DDIT4L: variants seen among roughly 807,000 people sequenced by gnomAD.
DDIT4L encodes the protein DNA damage-inducible transcript 4-like protein.
Under a neutral mutation model 15.9 loss-of-function variants are expected in DDIT4L, and 13 were observed. That is an observed-to-expected ratio of 0.82 (90% CI 0.53 to 1.30). DDIT4L has a LOEUF of 1.30. Among genes scored for constraint, DDIT4L ranks in the 50% most tolerant of loss-of-function variants. DDIT4L has a pLI of 0.00. For missense variants in DDIT4L, 235 were observed against 224.8 expected, an observed-to-expected ratio of 1.05 and a Z score of -0.29; for synonymous variants, 82 against 85.4, an observed-to-expected ratio of 0.96 and a Z score of 0.22.
intron 2 of DDIT4L, among the ~76,000 whole-genome samples, chr4:100,189,512 G>A (rs1300191040): frequency 6.6e-6 from 1 of 152,216 alleles, no homozygotes; most frequent in African/African-American, 2.4e-5. Flanking sequence ...GTAGTTCCCT[G>A]GAGTCAGGGG....
intron 2 of DDIT4L, among the ~76,000 whole-genome samples, chr4:100,188,757 T>C (rs1340469089): frequency 6.6e-6 from 1 of 152,254 alleles, no homozygotes; most frequent in Admixed American, 6.5e-5. Context: ...AAGTCTTTAC[T>C]GGAGTGGCCT....
rs1723431816 is a variant in DDIT4L, at chr4:100,187,143, G to A, written c.*534C>T. The A allele has an allele frequency of 6.6e-6, 1 of 152,164 alleles. No homozygotes were observed. Among genetic ancestry groups the A allele is most frequent in the Non-Finnish European group, 1.5e-5 (1 of 68,078 alleles). The allele number at this position is 152,164 out of a possible 1,614,324, so 9.4% of individuals were successfully genotyped here. On this transcript the variant is annotated 3_prime_UTR_variant, in exon 3 of 3. Coordinates refer to ENST00000273990, the MANE Select transcript of DDIT4L (RefSeq NM_145244.4). ...CTCATTTACTCTTACCTAGGGTTAA[G>A]CTTTAATTAAACTCACCTACTTAAT...
chr4:100,187,874 T>C lies in DDIT4L; in HGVS notation c.385A>G (p.Ser129Gly), dbSNP rs1723447250. Residue 129 changes from serine to glycine, a missense_variant, in exon 3 of 3, where the codon AGC becomes GGC. Transcript: ENST00000273990. ...KKLDRIVCDSSVVPTFELTLV... is the reference protein window; with the variant it reads ...KKLDRIVCDSGVVPTFELTLV... ...GTAAGCTCAAAAGTAGGTACGACGCTAGAATCACACACAATCCTATCCAGC... is the reference window on the plus strand; with the variant it reads ...GTAAGCTCAAAAGTAGGTACGACGCCAGAATCACACACAATCCTATCCAGC... 2 of 1,613,904 alleles carry C rather than the reference T, an allele frequency of 1.2e-6. No homozygotes were observed. The highest frequency in any genetic ancestry group is 1.7e-6 in the Non-Finnish European group (2 of 1,179,984).
Position 100,190,017 on chromosome 4 carries a change from C to T in DDIT4L, c.-34G>A, listed in dbSNP as rs1245103201. Reference sequence around the variant, plus strand: ...GCTCTGTTTCCTTCGCGAGGCGCAACGGCCTTTCCTGAGCGCTGGAAAAAA... The same window carrying T: ...GCTCTGTTTCCTTCGCGAGGCGCAATGGCCTTTCCTGAGCGCTGGAAAAAA... On this transcript the variant is annotated 5_prime_UTR_variant, in exon 2 of 3. Coordinates refer to ENST00000273990, the MANE Select transcript of DDIT4L (RefSeq NM_145244.4). 2 of 1,600,672 alleles carry T rather than the reference C, an allele frequency of 1.2e-6. No homozygotes were observed. The highest frequency in any genetic ancestry group is 1.7e-5 in the Admixed American group (1 of 59,964).
At chr4:100,188,562 T>C (rs929603893) in intron 2 of DDIT4L, among the ~76,000 whole-genome samples, 2 of 152,240 alleles carry the variant, frequency 1.3e-5, no homozygotes, top group African/African-American at 4.8e-5. Flanking sequence ...CTAATTTTGT[T>C]TTACAGAAAA....
rs1174908416 is a variant in DDIT4L, at chr4:100,187,727, TAAC to T, written c.529_531del (p.Val177del). The T allele has an allele frequency of 6.2e-7, 1 of 1,610,302 alleles. No homozygotes were observed. The highest frequency in any genetic ancestry group is 1.3e-5 in the African/African-American group (1 of 74,520). The stretch of plus-strand genomic sequence containing the variant: ...CCAATCAGTGAGTAAAGTTTTTTCT[TAAC>T]AAGTCGAAATCCTGAGCTGAGGATC... On this transcript the variant is annotated inframe_deletion, in exon 3 of 3. Transcript: ENST00000273990.
chr4:100,190,156 C>G, intron 1 of DDIT4L, 124 bp from the exon 2 acceptor site: 1 of 605,248 alleles, frequency 1.7e-6, no homozygotes, highest in South Asian at 2.0e-5. Context: ...AGGGGTGGAA[C>G]CGGCCTCTGC....
intron 2 of DDIT4L, 62 bp from the exon 3 acceptor site, chr4:100,188,229 C>T (rs1377203508): frequency 6.7e-7 from 1 of 1,500,486 alleles, no homozygotes; most frequent in Admixed American, 2.2e-5. Flanking sequence ...AGAAAAAAAA[C>T]ACCAAGATAT....
chr4:100,188,180 G>T lies in DDIT4L; in HGVS notation c.92-13C>A, dbSNP rs774249907. The T allele has an allele frequency of 3.2e-6, 5 of 1,575,894 alleles. No individual in the cohort carries two copies. Among genetic ancestry groups the T allele is most frequent in the Non-Finnish European group, 2.6e-6 (3 of 1,172,982 alleles). ...CAGTAGTCAAAATCTGTAAGAAATG[G>T]AGTTTTCTTTTTAGATACAGAAGAA... On this transcript the variant is annotated splice_polypyrimidine_tract_variant and intron_variant, in intron 2 of 2. Coordinates refer to ENST00000273990, the MANE Select transcript of DDIT4L (RefSeq NM_145244.4).
chr4:100,188,299 G>T (rs1486348821), intron 2 of DDIT4L, 132 bp from the exon 3 acceptor site: 1 of 960,222 alleles, frequency 1.0e-6, no homozygotes, highest in Non-Finnish European at 1.5e-6. Flanking sequence ...TTCAGAGTCA[G>T]CTGACCTCAA....
Position 100,190,331 on chromosome 4 carries a change from C to A in DDIT4L, c.-78G>T. 1 of 298,202 alleles carries A rather than the reference C, an allele frequency of 3.4e-6. No homozygotes were observed. Among genetic ancestry groups the A allele is most frequent in the Non-Finnish European group, 6.3e-6 (1 of 157,976 alleles). 18.5% of individuals were successfully genotyped at this position (298,202 alleles called of 1,614,324 possible). A position where few individuals can be genotyped will look rare whatever the true frequency, so the allele number is the denominator to read the frequency against. ...CCAGGAGTTCGCGGGGGCCTGCGCG[C>A]TCGCTGCCGGGTAAACACAGGCAGG... On this transcript the variant is annotated 5_prime_UTR_variant, in exon 1 of 3. Coordinates refer to ENST00000273990, the MANE Select transcript of DDIT4L (RefSeq NM_145244.4).
Position 100,187,138 on chromosome 4 carries a change from G to A in DDIT4L, c.*539C>T, listed in dbSNP as rs1723431780. The A allele has an allele frequency of 6.6e-6, 1 of 152,102 alleles. No individual in the cohort carries two copies. The highest frequency in any genetic ancestry group is 1.5e-5 in the Non-Finnish European group (1 of 68,070). 9.4% of individuals were successfully genotyped at this position (152,102 alleles called of 1,614,324 possible). A position where few individuals can be genotyped will look rare whatever the true frequency, so the allele number is the denominator to read the frequency against. On this transcript the variant is annotated 3_prime_UTR_variant, in exon 3 of 3. Coordinates refer to ENST00000273990, the MANE Select transcript of DDIT4L (RefSeq NM_145244.4). ...TATTTCTCATTTACTCTTACCTAGG[G>A]TTAAGCTTTAATTAAACTCACCTAC...
chr4:100,188,235 G>T, intron 2 of DDIT4L, 68 bp from the exon 3 acceptor site: 1 of 1,472,546 alleles, frequency 6.8e-7, no homozygotes, highest in East Asian at 2.3e-5. Context: ...AAAACACCAA[G>T]ATATCAACAT....
chr4:100,187,573 G>T lies in DDIT4L; in HGVS notation c.*104C>A. The stretch of plus-strand genomic sequence containing the variant: ...AGAAAGAAAAGAGACTACATTTGGG[G>T]TTTCTTATTTAGGGCAGGTGGGGCA... On this transcript the variant is annotated 3_prime_UTR_variant, in exon 3 of 3. Coordinates refer to ENST00000273990, the MANE Select transcript of DDIT4L (RefSeq NM_145244.4). 1 of 1,268,442 alleles carries T rather than the reference G, an allele frequency of 7.9e-7. No homozygotes were observed. The allele number at this position is 1,268,442 out of a possible 1,614,324, so 78.6% of individuals were successfully genotyped here.
Position 100,188,062 on chromosome 4 carries a change from G to C in DDIT4L, c.197C>G (p.Ser66Cys), listed in dbSNP as rs984503667. ...ACCAAGTTTAGTTTGCTTTGATTTG[G>C]ACAGACAGTTCTCCAGCATTTTAAC... Reference protein sequence around the residue: ...NLVKMLENCLSKSKQTKLGCS... With the variant: ...NLVKMLENCLCKSKQTKLGCS... The change falls in exon 3 of 3, where the codon TCC becomes TGC. Residue 66 changes from serine to cysteine, a missense_variant. Physicochemically the swap from Ser to Cys is moderately radical, Grantham distance 112 (BLOSUM62 -1). Transcript: ENST00000273990. The C allele has an allele frequency of 2.5e-6, 4 of 1,614,018 alleles. No individual in the cohort carries two copies. Among genetic ancestry groups the C allele is most frequent in the Admixed American group, 1.7e-5 (1 of 60,004 alleles).
chr4:100,188,990 C>A (rs925246900), intron 2 of DDIT4L, among the ~76,000 whole-genome samples: 2 of 152,244 alleles, frequency 1.3e-5, no homozygotes, highest in Admixed American at 6.5e-5. Flanking sequence ...GGATGCCACA[C>A]CACACGGAGT....
rs1310123860 is a variant in DDIT4L at position 100,186,309 on chromosome 4, T to TCCC, written c.*1365_*1367dup. ...AGTAACACCAGGATGAATACATCTG[T>TCCC]CCCTACGCCGGTCTCCAGCATGTGA... On this transcript the variant is annotated 3_prime_UTR_variant, in exon 3 of 3. Transcript: ENST00000273990. 1 of 152,194 alleles carries TCCC rather than the reference T, an allele frequency of 6.6e-6. No individual in the cohort carries two copies. Among genetic ancestry groups the TCCC allele is most frequent in the Non-Finnish European group, 1.5e-5 (1 of 68,028 alleles). The allele number at this position is 152,194 out of a possible 1,614,324, so 9.4% of individuals were successfully genotyped here.
intron 2 of DDIT4L, among the ~76,000 whole-genome samples, chr4:100,189,126 C>T (rs1274638797): frequency 6.6e-6 from 1 of 152,232 alleles, no homozygotes. Flanking sequence ...TAAATTAGGT[C>T]ATCAACCACT....
intron 1 of DDIT4L, 117 bp from the exon 2 acceptor site, chr4:100,190,149 G>C (rs1723492329): frequency 1.3e-5 from 8 of 626,084 alleles, no homozygotes; most frequent in Non-Finnish European, 2.2e-5. Context: ...TTGCCAAAGG[G>C]GTGGAACCGG....
Sources: allele counts gnomAD v4.1 joint callset (sites outside exome capture counted in the v4.1 genomes callset), GRCh38; gene constraint gnomAD v4.1.1; transcripts MANE v1.5; gene names NCBI Gene and HGNC (gene_info 2026-07-23, HGNC 2026-07-21).